FCHO2: variants seen among roughly 807,000 people sequenced by gnomAD.
The protein encoded by FCHO2 is F-BAR domain only protein 2.
Under a neutral mutation model 114.1 loss-of-function variants are expected in FCHO2, and 43 were observed. That is an observed-to-expected ratio of 0.38 (90% CI 0.30 to 0.49). FCHO2 has a LOEUF of 0.49. FCHO2 is among the 20% of genes least tolerant of loss of function. The pLI is 0.97. For missense variants in FCHO2, 807 were observed against 950.4 expected (o/e 0.85, Z 1.98); for synonymous variants, 293 against 315.2 (o/e 0.93, Z 0.75).
At chr5:73,082,875 G>GT in intron 24 of FCHO2, 50 bp downstream of exon 24, 1 of 1,352,024 alleles carries the variant, frequency 7.4e-7, no homozygotes, top group Non-Finnish European at 1.0e-6. Context: ...ACTGAAAATT[G>GT]ATTTTTTTTT....
chr5:73,088,401 A>G lies in FCHO2; in HGVS notation c.*311A>G, dbSNP rs1443943596. On this transcript the variant is annotated 3_prime_UTR_variant, in exon 26 of 26. Coordinates refer to ENST00000430046, the MANE Select transcript of FCHO2 (RefSeq NM_138782.3). ...AGTGTCTATGTTGAAAAAAAGGGTT[A>G]TAGTGTAATATCAGGCCTAAAGTTT... 2 of 302,330 alleles carry G rather than the reference A, an allele frequency of 6.6e-6. No individual in the cohort carries two copies. Among genetic ancestry groups the G allele is most frequent in the Non-Finnish European group, 1.2e-5 (2 of 160,484 alleles). The allele number at this position is 302,330 out of a possible 1,614,324, so 18.7% of individuals were successfully genotyped here. A position where few individuals can be genotyped will look rare whatever the true frequency, so the allele number is the denominator to read the frequency against.
At chr5:73,008,137 C>T (rs542385558) in intron 6 of FCHO2, among the ~76,000 whole-genome samples, 4 of 152,068 alleles carry the variant, frequency 2.6e-5, no homozygotes, top group African/African-American at 4.8e-5. Flanking sequence ...TAGTTTTTAC[C>T]GTTACTTTTA....
chr5:73,045,678 A>G (rs1757020807), intron 11 of FCHO2, among the ~76,000 whole-genome samples: 1 of 152,032 alleles, frequency 6.6e-6, no homozygotes, highest in Non-Finnish European at 1.5e-5. Context: ...GTTATTATTC[A>G]TGTTTGCCTA....
At chr5:73,020,762 C>G in intron 8 of FCHO2, 1 of 1,102,630 alleles carries the variant, frequency 9.1e-7, no homozygotes, top group East Asian at 2.4e-5. Context: ...TTAACAAATT[C>G]TGTGAGAGAT....
At chr5:73,080,669 T>TTA (rs10677908) in intron 22 of FCHO2, among the ~76,000 whole-genome samples, 45,177 of 151,950 alleles carry the variant, frequency 0.3, 6,913 homozygotes, top group East Asian at 0.43. Flanking sequence ...TTAAAATGGC[T>TTA]TGTTTCTAGA....
chr5:73,008,959 A>G (rs1035672438), intron 6 of FCHO2, among the ~76,000 whole-genome samples: 12 of 152,226 alleles, frequency 7.9e-5, no homozygotes, highest in African/African-American at 2.7e-4. Flanking sequence ...CAGACCATAT[A>G]AAATAGGGTT....
intron 17 of FCHO2, among the ~76,000 whole-genome samples, chr5:73,060,318 CA>C (rs1290417287): frequency 1.3e-5 from 2 of 150,374 alleles, no homozygotes; most frequent in African/African-American, 2.4e-5. Context: ...TTTTGCCTTT[CA>C]AAAAAAAAGT....
chr5:72,994,226 C>T (rs1753959613), intron 5 of FCHO2, among the ~76,000 whole-genome samples: 1 of 152,110 alleles, frequency 6.6e-6, no homozygotes, highest in Non-Finnish European at 1.5e-5. Flanking sequence ...AAAATGTTTG[C>T]AAACTATGCA....
chr5:73,003,492 A>C (rs1162655696), intron 5 of FCHO2, among the ~76,000 whole-genome samples: 2 of 152,118 alleles, frequency 1.3e-5, no homozygotes, highest in Non-Finnish European at 2.9e-5. Context: ...AATTACTTGT[A>C]AAAGTGTATG....
intron 11 of FCHO2, among the ~76,000 whole-genome samples, chr5:73,044,384 A>G (rs562745453): frequency 3.3e-5 from 5 of 152,238 alleles, no homozygotes; most frequent in African/African-American, 9.6e-5. Flanking sequence ...GAACACAGGC[A>G]TATGCCACCA....
intron 19 of FCHO2, among the ~76,000 whole-genome samples, chr5:73,070,179 C>T (rs187504045): frequency 5.3e-4 from 80 of 152,140 alleles, no homozygotes; most frequent in Middle Eastern, 3.4e-3. Flanking sequence ...AGTTTGATAA[C>T]CACAGCCCTA....
intron 2 of FCHO2, among the ~76,000 whole-genome samples, chr5:72,976,843 A>T (rs1419320890): frequency 1.5e-5 from 2 of 131,002 alleles, no homozygotes; most frequent in Non-Finnish European, 3.1e-5. Flanking sequence ...ATGTGTTCTC[A>T]TTGTTTAACT....
intron 17 of FCHO2, among the ~76,000 whole-genome samples, chr5:73,060,078 C>T (rs1231275104): frequency 1.3e-5 from 2 of 151,956 alleles, no homozygotes; most frequent in African/African-American, 4.8e-5. Context: ...CTAGTACAGT[C>T]TCTTTCATTT....
intron 18 of FCHO2, among the ~76,000 whole-genome samples, chr5:73,064,588 A>G (rs190670987): frequency 1.6e-3 from 237 of 152,202 alleles, no homozygotes; most frequent in Non-Finnish European, 2.6e-3. Flanking sequence ...TTCCCTTGAT[A>G]CACATTTCCA....
chr5:72,964,076 A>G (rs1417405736), intron 1 of FCHO2, among the ~76,000 whole-genome samples: 5 of 151,968 alleles, frequency 3.3e-5, no homozygotes, highest in African/African-American at 1.2e-4. Flanking sequence ...TTTGAAAGTA[A>G]TGAAAAATAC....
At chr5:73,014,934 A>G (rs62362163) in intron 6 of FCHO2, among the ~76,000 whole-genome samples, 45,054 of 151,334 alleles carry the variant, frequency 0.3, 6,925 homozygotes, top group East Asian at 0.44. Context: ...AAAATTAGCC[A>G]GCATGGTGGT....
chr5:72,974,770 C>T (rs955489028), intron 2 of FCHO2, among the ~76,000 whole-genome samples: 5 of 152,024 alleles, frequency 3.3e-5, no homozygotes, highest in Admixed American at 6.6e-5. Flanking sequence ...TGATTTTGCT[C>T]GTTAGTTGAT....
intron 11 of FCHO2, among the ~76,000 whole-genome samples, chr5:73,043,188 T>C (rs1756888658): frequency 6.6e-6 from 1 of 152,126 alleles, no homozygotes; most frequent in African/African-American, 2.4e-5. Context: ...TGCTTCAGTC[T>C]CCCAGAGTGC....
At chr5:72,986,972 G>A (rs967256595) in intron 2 of FCHO2, among the ~76,000 whole-genome samples, 12 of 149,664 alleles carry the variant, frequency 8.0e-5, no homozygotes, top group African/African-American at 1.5e-4. Context: ...TCTGCCTCCC[G>A]GGTTCACACC....
Sources: gnomAD v4.1 joint callset for allele counts (sites outside exome capture counted in the v4.1 genomes callset) on GRCh38, gnomAD v4.1.1 for gene constraint, MANE v1.5 for transcripts, NCBI Gene and HGNC (gene_info 2026-07-23, HGNC 2026-07-21) for gene names.